AACS: variants seen among roughly 807,000 people sequenced by gnomAD.
The protein encoded by AACS is acetoacetyl-CoA synthetase.
Under a neutral mutation model 83.1 loss-of-function variants are expected in AACS, and 69 were observed. The observed-to-expected ratio is 0.83, with a 90% CI of 0.68 to 1.01. The LOEUF (loss-of-function observed/expected upper bound fraction) is 1.01, where lower values mean the gene tolerates loss of function less well. Among genes scored for constraint, AACS ranks in the 50% least tolerant of loss-of-function variants. The pLI, the probability that AACS is intolerant of heterozygous loss-of-function variation, is 0.00. For synonymous variants in AACS, 333 were observed against 343.4 expected (o/e 0.97, Z 0.33); for missense variants, 866 against 882.2 (o/e 0.98, Z 0.23).
chr12:125,080,156 G>A (rs1034289514), intron 3 of AACS, among the ~76,000 whole-genome samples: 13 of 152,130 alleles, frequency 8.5e-5, no homozygotes, highest in African/African-American at 2.4e-5. Context: ...AACCTCCCTA[G>A]GGTGCCAACC....
At chr12:125,072,528 T>C (rs938489595) in intron 1 of AACS, among the ~76,000 whole-genome samples, 1 of 152,232 alleles carries the variant, frequency 6.6e-6, no homozygotes, top group African/African-American at 2.4e-5. Context: ...TGTTATGTTA[T>C]TATATCCTTG....
intron 4 of AACS, among the ~76,000 whole-genome samples, chr12:125,089,229 C>A (rs922575091): frequency 2.0e-5 from 3 of 152,216 alleles, no homozygotes; most frequent in South Asian, 4.1e-4. Context: ...GTGGGTGGAA[C>A]CCCATGGTGG....
intron 8 of AACS, among the ~76,000 whole-genome samples, chr12:125,111,608 G>T (rs1956953892): frequency 6.6e-6 from 1 of 152,176 alleles, no homozygotes; most frequent in Non-Finnish European, 1.5e-5. Context: ...CTTGAAAACA[G>T]TGAGGCAACA....
Position 125,142,443 on chromosome 12 carries a change from G to T in AACS, c.*214G>T. 1 of 624,900 alleles carries T rather than the reference G, an allele frequency of 1.6e-6. No individual in the cohort carries two copies. The highest frequency in any genetic ancestry group is 2.7e-6 in the Non-Finnish European group (1 of 370,778). The allele number at this position is 624,900 out of a possible 1,614,324, so 38.7% of individuals were successfully genotyped here. ...GATTCTGGCCTTCAGAGACCAGGAGGGAGTGTCTGGGCCGCAGGTGTGGCA... is the reference window on the plus strand; with the variant it reads ...GATTCTGGCCTTCAGAGACCAGGAGTGAGTGTCTGGGCCGCAGGTGTGGCA... On this transcript the variant is annotated 3_prime_UTR_variant, in exon 18 of 18. Coordinates refer to ENST00000316519, the MANE Select transcript of AACS (RefSeq NM_023928.5).
chr12:125,104,579 G>T (rs1158764643), intron 7 of AACS, among the ~76,000 whole-genome samples: 1 of 152,190 alleles, frequency 6.6e-6, no homozygotes, highest in African/African-American at 2.4e-5. Context: ...GGTGGCATCT[G>T]GGGGTGGCTT....
intron 12 of AACS, chr12:125,126,284 T>A (rs1298442545): frequency 5.3e-5 from 8 of 152,082 alleles, no homozygotes; most frequent in Admixed American, 4.6e-4. Flanking sequence ...TTCTCATAAC[T>A]TTTTTCTTAA....
chr12:125,137,119 A>G (rs1957412628), intron 17 of AACS, among the ~76,000 whole-genome samples: 1 of 152,248 alleles, frequency 6.6e-6, no homozygotes, highest in African/African-American at 2.4e-5. Flanking sequence ...TCTCCCTGCT[A>G]TCCCCTGGTT....
intron 14 of AACS, among the ~76,000 whole-genome samples, chr12:125,132,878 A>C (rs1336292302): frequency 6.6e-5 from 10 of 152,078 alleles, no homozygotes; most frequent in Non-Finnish European, 1.5e-4. Context: ...GTAGCTGTTG[A>C]GTCATAAGCT....
chr12:125,083,606 A>C (rs773524350), intron 3 of AACS, among the ~76,000 whole-genome samples: 35 of 150,964 alleles, frequency 2.3e-4, no homozygotes, highest in Non-Finnish European at 3.0e-4. Flanking sequence ...TGTCACTTTT[A>C]ATCTTCTAAA....
intron 16 of AACS, 47 bp from the exon 17 acceptor site, chr12:125,136,615 A>G: frequency 6.4e-7 from 1 of 1,573,502 alleles, no homozygotes; most frequent in Non-Finnish European, 8.7e-7. Context: ...CCGACCCCAC[A>G]CTGAGGGGCC....
At chr12:125,133,226 C>T (rs764572967) in intron 14 of AACS, among the ~76,000 whole-genome samples, 5 of 152,278 alleles carry the variant, frequency 3.3e-5, no homozygotes, top group East Asian at 1.9e-4. Context: ...GTGACTCTCT[C>T]GGCTGTGTGG....
rs780509032 is a variant in AACS, at chr12:125,107,116, C to T, written c.768-5C>T. 108 of 1,614,030 alleles carry T rather than the reference C, an allele frequency of 6.7e-5. No individual in the cohort carries two copies. The Admixed American group carries it at 1.8e-3, about 26-fold the overall frequency. On this transcript the variant is annotated splice_polypyrimidine_tract_variant and splice_region_variant and intron_variant, in intron 7 of 17. Coordinates refer to ENST00000316519, the MANE Select transcript of AACS (RefSeq NM_023928.5). ...TGGCGTGTTTCCCTGCGTTTCGGCC[C>T]ACAGTGTGTTTCTGGATGACTTTCT...
intron 3 of AACS, chr12:125,078,474 C>G: frequency 5.3e-6 from 2 of 379,160 alleles, no homozygotes; most frequent in South Asian, 1.9e-5. Context: ...CTCCCGTGCC[C>G]TTTGCATGCC....
At chr12:125,090,588 A>T (rs1354831377) in intron 4 of AACS, among the ~76,000 whole-genome samples, 2 of 151,902 alleles carry the variant, frequency 1.3e-5, no homozygotes, top group Non-Finnish European at 2.9e-5. Flanking sequence ...CTCATACATC[A>T]TCCATCCGTC....
intron 10 of AACS, chr12:125,121,214 G>A (rs138031833): frequency 4.6e-4 from 70 of 152,428 alleles, no homozygotes; most frequent in African/African-American, 1.6e-3. Flanking sequence ...CAGGGGCTGC[G>A]GGTGAGGGGC....
Position 125,129,011 on chromosome 12 carries a change from C to T in AACS, c.1424-324C>T, listed in dbSNP as rs537617467. 20 of 197,178 alleles carry T rather than the reference C, an allele frequency of 1.0e-4. No homozygotes were observed. The highest frequency in any genetic ancestry group is 1.8e-4 in the Non-Finnish European group (18 of 97,394). The allele number at this position is 197,178 out of a possible 1,614,324, so 12.2% of individuals were successfully genotyped here. A position where few individuals can be genotyped will look rare whatever the true frequency, so the allele number is the denominator to read the frequency against. On this transcript the variant is annotated intron_variant, in intron 13 of 17. Coordinates refer to ENST00000316519, the MANE Select transcript of AACS (RefSeq NM_023928.5). The surrounding 1 kb of genome is among the most constrained non-coding windows in gnomAD (Gnocchi z 4.3). Reference sequence around the variant, plus strand: ...AGATGCGGGACACATAGAAGGACAGCGTGTATGTGTTCAAAGGCATGCAGA... The same window carrying T: ...AGATGCGGGACACATAGAAGGACAGTGTGTATGTGTTCAAAGGCATGCAGA...
chr12:125,141,381 A>G (rs1957486754), intron 17 of AACS: 2 of 152,516 alleles, frequency 1.3e-5, no homozygotes, highest in Non-Finnish European at 2.9e-5. Context: ...TAGAGTGTGC[A>G]GCGTTAGAAA....
Position 125,142,847 on chromosome 12 carries a change from C to T in AACS, c.*618C>T, listed in dbSNP as rs1957523313. 6.6e-6 allele frequency: 1 copy of T among 152,530 alleles called. No homozygotes were observed. Among genetic ancestry groups the T allele is most frequent in the Non-Finnish European group, 1.5e-5 (1 of 68,300 alleles). The allele number at this position is 152,530 out of a possible 1,614,324, so 9.4% of individuals were successfully genotyped here. On this transcript the variant is annotated 3_prime_UTR_variant, in exon 18 of 18. Coordinates refer to ENST00000316519, the MANE Select transcript of AACS (RefSeq NM_023928.5). ...GCGTGCCTCCGGGCCAGCTTCCCTC[C>T]AAGGAATGAGTGGATTTCATACAGG...
chr12:125,085,758 C>G lies in AACS; in HGVS notation c.359-572C>G, dbSNP rs907501598. 2.6e-5 allele frequency among the ~76,000 whole-genome samples: 4 copies of G among 151,764 alleles called. No homozygotes were observed. In the South Asian group the frequency reaches 8.3e-4, roughly 32 times the overall value. Reference sequence around the variant, plus strand: ...GTGAATCTGTAATTAAAAAAAAAAACCCACAATTATAATTAAAGGATTCTT... The same window carrying G: ...GTGAATCTGTAATTAAAAAAAAAAAGCCACAATTATAATTAAAGGATTCTT... On this transcript the variant is annotated intron_variant, in intron 3 of 17. Transcript: ENST00000316519.
Sources: gnomAD v4.1 joint callset for allele counts (sites outside exome capture counted in the v4.1 genomes callset) on GRCh38, gnomAD v4.1.1 for gene constraint, Gnocchi (gnomAD v3.1) non-coding constraint, MANE v1.5 for transcripts, NCBI Gene and HGNC (gene_info 2026-07-23, HGNC 2026-07-21) for gene names.